The following ADTRP variants were observed in gnomAD, a reference collection of about 807,000 sequenced individuals.
ADTRP encodes the protein androgen-dependent TFPI-regulating protein.
A neutral mutation model predicts 27.0 loss-of-function variants in ADTRP; 20 were observed. The observed-to-expected ratio is 0.74, with a 90% CI of 0.52 to 1.08. The LOEUF is 1.08. Ranked by LOEUF, ADTRP falls within the 50% of genes least tolerant of loss-of-function variation. The pLI is 0.00. For synonymous variants in ADTRP, 101 were observed against 105.2 expected (o/e 0.96, Z 0.25); for missense variants, 251 against 275.0 (o/e 0.91, Z 0.62).
In ADTRP at chr6:11,756,469, A is replaced by C. The variant is rs558436423; in HGVS notation, c.390+9805T>G. On this transcript the variant is annotated intron_variant, in intron 3 of 5. Transcript: ENST00000414691. ...ATACGCCCTACCTTGGAAAAGTGTC[A>C]TTTAAAAAATGCATTGAGATGTTAC... is the stretch of plus-strand genomic sequence containing the variant. Among the ~76,000 whole-genome samples the C allele has an allele frequency of 2.6e-5, 4 of 152,320 alleles. No homozygotes were observed. In the South Asian group the frequency reaches 8.3e-4, roughly 32 times the overall value.
intron 4 of ADTRP, among the ~76,000 whole-genome samples, chr6:11,729,489 C>T (rs1160187341): frequency 6.6e-6 from 1 of 152,106 alleles, no homozygotes. Context: ...TGCTCCTTCC[C>T]CCTCCTGTCC....
chr6:11,771,207 C>T (rs533504072), intron 1 of ADTRP, among the ~76,000 whole-genome samples: 2 of 152,364 alleles, frequency 1.3e-5, no homozygotes, highest in South Asian at 4.1e-4. Flanking sequence ...CTCTCCACCC[C>T]AGCTCACGGT....
intron 1 of ADTRP, among the ~76,000 whole-genome samples, chr6:11,774,345 C>A (rs1487175527): frequency 9.5e-5 from 4 of 42,112 alleles, no homozygotes; most frequent in Admixed American, 2.5e-4. Context: ...TAAATAGTGC[C>A]ATAGATTATT....
At chr6:11,739,158 G>A (rs2113911176) in intron 3 of ADTRP, among the ~76,000 whole-genome samples, 1 of 152,252 alleles carries the variant, frequency 6.6e-6, no homozygotes, top group South Asian at 2.1e-4. Context: ...AAAAATTACT[G>A]GAAACACTGA....
At chr6:11,715,478 T>C (rs1761780014) in intron 5 of ADTRP, among the ~76,000 whole-genome samples, 1 of 152,154 alleles carries the variant, frequency 6.6e-6, no homozygotes, top group African/African-American at 2.4e-5. Flanking sequence ...ATGGCTATCC[T>C]TGTATTCATC....
At chr6:11,744,325 TA>T (rs1762803115) in intron 3 of ADTRP, among the ~76,000 whole-genome samples, 1 of 152,206 alleles carries the variant, frequency 6.6e-6, no homozygotes, top group East Asian at 1.9e-4. Flanking sequence ...CTTTTCTTTG[TA>T]AATTATCCAG....
intron 1 of ADTRP, among the ~76,000 whole-genome samples, chr6:11,771,720 G>A (rs1424370336): frequency 3.3e-5 from 5 of 152,190 alleles, no homozygotes; most frequent in Non-Finnish European, 5.9e-5. Context: ...GAATATGACT[G>A]TATTAAAGTG....
intron 4 of ADTRP, among the ~76,000 whole-genome samples, chr6:11,724,037 G>A (rs1442107171): frequency 6.6e-6 from 1 of 151,822 alleles, no homozygotes; most frequent in Non-Finnish European, 1.5e-5. Flanking sequence ...TCTAGCCTGG[G>A]CAACAAGAGT....
chr6:11,730,495 G>C (rs1030735102), intron 4 of ADTRP, among the ~76,000 whole-genome samples: 1 of 152,172 alleles, frequency 6.6e-6, no homozygotes, highest in Non-Finnish European at 1.5e-5. Flanking sequence ...GAAGAGAATT[G>C]CTGATTCTGG....
intron 3 of ADTRP, among the ~76,000 whole-genome samples, chr6:11,745,060 C>A (rs1762825368): frequency 6.6e-6 from 1 of 152,194 alleles, no homozygotes; most frequent in Non-Finnish European, 1.5e-5. Context: ...CTCTCCCTTG[C>A]TGACCTATGA....
intron 4 of ADTRP, among the ~76,000 whole-genome samples, chr6:11,731,638 A>ATT (rs61243775): frequency 6.6e-6 from 1 of 151,540 alleles, no homozygotes; most frequent in African/African-American, 2.4e-5. Flanking sequence ...ACCTTCTCTC[A>ATT]TTTTTTCTAG....
chr6:11,768,183 G>T, intron 2 of ADTRP, 66 bp downstream of exon 2: 1 of 1,576,440 alleles, frequency 6.3e-7, no homozygotes, highest in Non-Finnish European at 8.6e-7. Flanking sequence ...CAGCTTGGCT[G>T]CCCAGGAGAA....
Position 11,778,760 on chromosome 6 carries a change from G to T in ADTRP, c.-1C>A. ...ATATGCATGTAGAAGTCTTCGTCATGGCGAGTGCTGACCGGGGCACCGTGA... is the reference window on the plus strand; with the variant it reads ...ATATGCATGTAGAAGTCTTCGTCATTGCGAGTGCTGACCGGGGCACCGTGA... On this transcript the variant is annotated 5_prime_UTR_variant, in exon 1 of 6. Coordinates refer to ENST00000414691, the MANE Select transcript of ADTRP (RefSeq NM_032744.4). 1 of 1,613,580 alleles carries T rather than the reference G, an allele frequency of 6.2e-7. No homozygotes were observed. The highest frequency in any genetic ancestry group is 1.1e-5 in the South Asian group (1 of 90,998).
chr6:11,731,102 C>T (rs988157954), intron 4 of ADTRP, among the ~76,000 whole-genome samples: 4 of 152,106 alleles, frequency 2.6e-5, no homozygotes, highest in Admixed American at 6.5e-5. Context: ...GTGCAGTGCA[C>T]GACAGGGGCA....
At chr6:11,773,143 T>C (rs186947897) in intron 1 of ADTRP, among the ~76,000 whole-genome samples, 283 of 152,266 alleles carry the variant, frequency 1.9e-3, no homozygotes, top group African/African-American at 6.3e-3. Flanking sequence ...CGGTGAGGTA[T>C]CAGAACATAA....
At chr6:11,739,867 G>T (rs143099786) in intron 3 of ADTRP, among the ~76,000 whole-genome samples, 6 of 152,194 alleles carry the variant, frequency 3.9e-5, no homozygotes, top group Admixed American at 1.3e-4. Context: ...AATCTTTAAG[G>T]CTAGGCTGAT....
chr6:11,718,029 T>C (rs1761889415), intron 5 of ADTRP, among the ~76,000 whole-genome samples: 1 of 152,246 alleles, frequency 6.6e-6, no homozygotes, highest in African/African-American at 2.4e-5. Flanking sequence ...AGATGGCCTC[T>C]AGGCAGCTTT....
chr6:11,770,270 G>A (rs2113344790), intron 1 of ADTRP, among the ~76,000 whole-genome samples: 1 of 152,260 alleles, frequency 6.6e-6, no homozygotes, highest in East Asian at 1.9e-4. Context: ...TAGGGCCTAG[G>A]GGTTGGGATT....
At chr6:11,751,114 G>T (rs1763032992) in intron 3 of ADTRP, among the ~76,000 whole-genome samples, 1 of 152,242 alleles carries the variant, frequency 6.6e-6, no homozygotes, top group Admixed American at 6.5e-5. Context: ...GCCTCCCAGT[G>T]TTGGGATTAC....
Sources: gnomAD v4.1 joint callset for allele counts (sites outside exome capture counted in the v4.1 genomes callset) on GRCh38, gnomAD v4.1.1 for gene constraint, MANE v1.5 for transcripts, NCBI Gene and HGNC (gene_info 2026-07-23, HGNC 2026-07-21) for gene names.